The following FUT8 variants were observed in gnomAD, a reference collection of about 807,000 sequenced individuals.
FUT8 encodes the protein alpha-(1,6)-fucosyltransferase.
Under a neutral mutation model 71.3 loss-of-function variants are expected in FUT8, and 29 were observed. The ratio of observed to expected loss-of-function variants is 0.41; its 90% confidence interval spans 0.30 to 0.55. The LOEUF is 0.55. Ranked by LOEUF, FUT8 falls within the 20% of genes least tolerant of loss-of-function variation. The pLI is 0.34. For missense variants in FUT8, 544 were observed against 702.1 expected (o/e 0.77, Z 2.55); for synonymous variants, 254 against 239.3 (o/e 1.06, Z -0.57).
intron 9 of FUT8, among the ~76,000 whole-genome samples, chr14:65,730,439 C>T (rs1000730705): frequency 2.0e-5 from 3 of 152,062 alleles, no homozygotes; most frequent in African/African-American, 7.2e-5. Flanking sequence ...TTTGGGAGGC[C>T]GAGGTGGGCG....
At chr14:65,509,440 T>G (rs1200280359) in intron 2 of FUT8, among the ~76,000 whole-genome samples, 1 of 152,172 alleles carries the variant, frequency 6.6e-6, no homozygotes, top group Non-Finnish European at 1.5e-5. Flanking sequence ...AGGGTTTTTT[T>G]TATATCTCTG....
the FUT8 span, among the ~76,000 whole-genome samples, chr14:65,401,677 C>A: frequency 6.6e-6 from 1 of 152,082 alleles, no homozygotes; most frequent in Non-Finnish European, 1.5e-5. Context: ...GTGGGCAGAT[C>A]ACTTGAGGCC....
chr14:65,591,374 G>T (rs1019298924), intron 3 of FUT8, among the ~76,000 whole-genome samples: 1 of 152,098 alleles, frequency 6.6e-6, no homozygotes, highest in African/African-American at 2.4e-5. Flanking sequence ...ACTTCTGAAA[G>T]CTTATGATAC....
At chr14:65,400,559 T>C in the FUT8 span, among the ~76,000 whole-genome samples, 1 of 152,210 alleles carries the variant, frequency 6.6e-6, no homozygotes. Context: ...CATTAGCTTT[T>C]GATAAACCTA....
rs540243859 is a variant in FUT8, at chr14:65,521,358, A to C, written c.-227-39979A>C. On this transcript the variant is annotated intron_variant, in intron 2 of 10. Transcript: ENST00000673929. ...AAAAACATATATATTAGTCTAAATGAAATTAATGGCTTCTTTTATACACTC... is the reference window on the plus strand; with the variant it reads ...AAAAACATATATATTAGTCTAAATGCAATTAATGGCTTCTTTTATACACTC... Among the ~76,000 whole-genome samples, 9 of 152,344 alleles carry C rather than the reference A, an allele frequency of 5.9e-5. No homozygotes were observed. In the South Asian group the frequency reaches 1.7e-3, roughly 28 times the overall value.
At chr14:65,676,525 C>T in intron 7 of FUT8, among the ~76,000 whole-genome samples, 1 of 152,150 alleles carries the variant, frequency 6.6e-6, no homozygotes, top group Non-Finnish European at 1.5e-5. Context: ...TGAAACATTC[C>T]AGCGGAGCTA....
In FUT8 at chr14:65,542,659, C is replaced by T. The variant is rs1352318112; in HGVS notation, c.-227-18678C>T. Among the ~76,000 whole-genome samples, 3 of 152,192 alleles carry T rather than the reference C, an allele frequency of 2.0e-5. No homozygotes were observed. The East Asian group carries it at 5.8e-4, about 29-fold the overall frequency. The stretch of plus-strand genomic sequence containing the variant: ...TGTTTACTGCACTTTTGAATCCCTA[C>T]TATTCTGTAGAAACAGTTTTGAATG... On this transcript the variant is annotated intron_variant, in intron 2 of 10. Transcript: ENST00000673929.
intron 2 of FUT8, among the ~76,000 whole-genome samples, chr14:65,526,051 G>T (rs1438267954): frequency 1.3e-5 from 2 of 152,178 alleles, no homozygotes; most frequent in African/African-American, 4.8e-5. Context: ...GATTTGGGGT[G>T]GGGAGTTCTG....
In FUT8 at chr14:65,642,602, C is replaced by CAA. The variant is rs71126774; in HGVS notation, c.597+13017_597+13018dup. Among the ~76,000 whole-genome samples, 172 of 95,536 alleles carry CAA rather than the reference C, an allele frequency of 1.8e-3. 1 individual carries two copies. Among genetic ancestry groups the CAA allele is most frequent in the South Asian group, 5.3e-3 (14 of 2,658 alleles). The allele number at this position is 95,536 out of a possible 152,430, so 62.7% of individuals were successfully genotyped here. A position where few individuals can be genotyped will look rare whatever the true frequency, so the allele number is the denominator to read the frequency against. On this transcript the variant is annotated intron_variant, in intron 6 of 10. Transcript: ENST00000673929. ...TGGGTGACAGAGTGAGACTCCGTCT[C>CAA]AAAAAAAAAAAAAAAAAAAAAATCA...
rs2065169027 is a variant in FUT8, at chr14:65,413,419, G to C, written c.-326+205G>C. Reference sequence around the variant, plus strand: ...GGCGGATGCCTTGGCGCAGCCCCGGGGGCGCGGGCAGAGGGTGAGGGGCGC... The same window carrying C: ...GGCGGATGCCTTGGCGCAGCCCCGGCGGCGCGGGCAGAGGGTGAGGGGCGC... On this transcript the variant is annotated intron_variant, in intron 1 of 10. Transcript: ENST00000673929. This position sits in a 1 kb window ranked among gnomAD's most constrained non-coding sequence, Gnocchi z 4.1. Among the ~76,000 whole-genome samples the C allele has an allele frequency of 6.6e-6, 1 of 152,256 alleles. No homozygotes were observed. The highest frequency in any genetic ancestry group is 2.1e-4 in the South Asian group (1 of 4,828).
intron 1 of FUT8, among the ~76,000 whole-genome samples, chr14:65,446,405 ACT>A (rs1243243773): frequency 6.6e-6 from 1 of 152,136 alleles, no homozygotes; most frequent in Non-Finnish European, 1.5e-5. Context: ...TGTTTGGATG[ACT>A]CTCTTTGTGA....
chr14:65,409,710 C>T (rs17102656), upstream of FUT8, among the ~76,000 whole-genome samples: 3,666 of 152,206 alleles, frequency 0.024, 68 homozygotes, highest in African/African-American at 0.048. The surrounding 1 kb of genome is among the most constrained non-coding windows in gnomAD (Gnocchi z 5.4). Context: ...CTTCTTGCCC[C>T]GGGACACCCG....
intron 2 of FUT8, among the ~76,000 whole-genome samples, chr14:65,480,467 C>A (rs1358241896): frequency 4.0e-5 from 6 of 151,794 alleles, no homozygotes; most frequent in African/African-American, 1.5e-4. Flanking sequence ...AGGTACACTC[C>A]ATCATGCCCA....
chr14:65,685,575 G>GAATAAAGA (rs1893247015), intron 7 of FUT8, among the ~76,000 whole-genome samples: 1 of 152,116 alleles, frequency 6.6e-6, no homozygotes, highest in Non-Finnish European at 1.5e-5. Context: ...TAAAGTAAAG[G>GAATAAAGA]AATAAAGAAT....
At position 65,726,631 on chromosome 14, in the gene FUT8, A is replaced by G. The variant is rs568791956; in HGVS notation, c.1259+2308A>G. On this transcript the variant is annotated intron_variant, in intron 9 of 10. Transcript: ENST00000673929. ...CTCCCACAACACCTGAGAATTCAAG[A>G]TGAGATTTGGGTGGAGACACAGCCA... 4.6e-5 allele frequency among the ~76,000 whole-genome samples: 7 copies of G among 152,306 alleles called. No homozygotes were observed. In the South Asian group the frequency reaches 1.2e-3, roughly 27 times the overall value.
intron 6 of FUT8, 99 bp downstream of exon 6, chr14:65,629,705 T>A (rs1890076485): frequency 1.3e-6 from 1 of 792,714 alleles, no homozygotes; most frequent in Non-Finnish European, 2.1e-6. Context: ...TTCCTGGCCC[T>A]TGAAAATCAG....
At chr14:65,599,282 GA>G (rs1888172071) in intron 3 of FUT8, among the ~76,000 whole-genome samples, 3 of 152,056 alleles carry the variant, frequency 2.0e-5, no homozygotes, top group Admixed American at 1.3e-4. Context: ...AAAGAAAGAG[GA>G]GAAAACTAAA....
chr14:65,563,286 G>A (rs1367159461), intron 3 of FUT8, among the ~76,000 whole-genome samples: 2 of 152,032 alleles, frequency 1.3e-5, no homozygotes, highest in African/African-American at 4.8e-5. Flanking sequence ...TTACATGCCA[G>A]GTACTGTGCC....
intron 6 of FUT8, among the ~76,000 whole-genome samples, chr14:65,651,615 C>G (rs914116110): frequency 9.6e-4 from 146 of 152,020 alleles, no homozygotes; most frequent in Non-Finnish European, 1.9e-3. Context: ...TTTAAAGAAG[C>G]TATAATAATA....
Sources: gnomAD v4.1 joint callset for allele counts (sites outside exome capture counted in the v4.1 genomes callset) on GRCh38, gnomAD v4.1.1 for gene constraint, Gnocchi (gnomAD v3.1) non-coding constraint, MANE v1.5 for transcripts, NCBI Gene and HGNC (gene_info 2026-07-23, HGNC 2026-07-21) for gene names.